Variants in QRICH2 observed in about 807,000 individuals in gnomAD.
QRICH2 encodes glutamine rich 2.
Under a neutral mutation model 168.3 loss-of-function variants are expected in QRICH2, and 119 were observed. The ratio of observed to expected loss-of-function variants is 0.71; its 90% CI spans 0.61 to 0.82. The LOEUF is 0.82. QRICH2 is among the 40% of genes least tolerant of loss of function. QRICH2 has a pLI of 0.00. For missense variants in QRICH2, 2,241 were observed against 2,491.6 expected (o/e 0.90, Z 2.14); for synonymous variants, 894 against 951.2 (o/e 0.94, Z 1.11).
intron 3 of QRICH2, among the ~76,000 whole-genome samples, chr17:76,295,088 A>G (rs2143332325): frequency 6.6e-6 from 1 of 151,132 alleles, no homozygotes; most frequent in East Asian, 1.9e-4. Flanking sequence ...AAATAAATAA[A>G]TAAATAAATA....
Position 76,293,851 on chromosome 17 carries a change from T to C in QRICH2, c.876A>G (p.Ala292=). ...DRTASGSGGT[A]HPSDGVSSRE... is the part of the protein sequence containing the mutation. ...TACTGGAAACCCCATCAGAGGGGTG[T>C]GCTGTGCCACCAGATCCTGATGCAG... The change falls in exon 4 of 19, where the codon GCA becomes GCG. Residue 292 remains alanine, a synonymous_variant. Transcript: ENST00000680821. 1 of 1,614,020 alleles carries C rather than the reference T, an allele frequency of 6.2e-7. No homozygotes were observed. The highest frequency in any genetic ancestry group is 1.6e-4 in the Middle Eastern group (1 of 6,062).
At chr17:76,282,706 G>A (rs144450293) in intron 7 of QRICH2, among the ~76,000 whole-genome samples, 101 of 152,298 alleles carry the variant, frequency 6.6e-4, no homozygotes, top group South Asian at 5.8e-3. Flanking sequence ...TCTGCATCCC[G>A]CAGGCCCCAT....
At chr17:76,277,417 C>A (rs1373923358) in intron 15 of QRICH2, 107 bp from the exon 16 acceptor site, 2 of 1,320,878 alleles carry the variant, frequency 1.5e-6, no homozygotes, top group Non-Finnish European at 2.1e-6. Flanking sequence ...AGCTTCTCTT[C>A]GGGGGCTGCC....
chr17:76,308,365 C>T (rs1238792463), upstream of QRICH2: 4 of 985,304 alleles, frequency 4.1e-6, no homozygotes, highest in Non-Finnish European at 4.8e-6. Context: ...GTAAAGGCCA[C>T]CACAAGGATC....
In QRICH2 at chr17:76,292,112, A is replaced by C; in HGVS notation, c.2615T>G (p.Val872Gly). Residue 872 changes from valine to glycine, a missense_variant, in exon 4 of 19, where the codon GTG becomes GGG. This residue lies in a region of QRICH2 where 2,047 missense variants were observed against 2,303.8 expected (regional missense o/e 0.89). Coordinates refer to ENST00000680821, the MANE Select transcript of QRICH2 (RefSeq NM_001388453.1). Reference sequence around the variant, plus strand: ...ACCACGCTGATCCACTCCAGGTTGCACCAAACCACGCTGATCCACTCCAGG... The same window carrying C: ...ACCACGCTGATCCACTCCAGGTTGCCCCAAACCACGCTGATCCACTCCAGG... ...VQPGVDQRGL[V>G]QPGVDQRGLV... is the part of the protein sequence containing the mutation. 3 of 1,613,174 alleles carry C rather than the reference A, an allele frequency of 1.9e-6. No homozygotes were observed. Among genetic ancestry groups the C allele is most frequent in the Non-Finnish European group, 2.5e-6 (3 of 1,179,500 alleles).
intron 3 of QRICH2, among the ~76,000 whole-genome samples, 180 bp downstream of exon 3, chr17:76,304,235 A>T (rs73996305): frequency 0.12 from 18,513 of 152,204 alleles, 2,596 homozygotes; most frequent in African/African-American, 0.35. Context: ...CTAGGGATGC[A>T]TGTTATTCAC....
At position 76,299,649 on chromosome 17, in the gene QRICH2, A is replaced by G. The variant is rs538011720; in HGVS notation, c.705+4766T>C. On this transcript the variant is annotated intron_variant, in intron 3 of 18. Transcript: ENST00000680821. ...CTACTCGGGAGACTGAGGCAGGAGA[A>G]TCATTTGAACCCAGGAGGTGAACGT... Among the ~76,000 whole-genome samples the G allele has an allele frequency of 6.6e-5, 10 of 151,980 alleles. No homozygotes were observed. In the South Asian group the frequency reaches 2.1e-3, roughly 32 times the overall value.
Position 76,276,059 on chromosome 17 carries a change from C to G in QRICH2, c.5354-112G>C. 3.9e-6 allele frequency: 5 copies of G among 1,282,672 alleles called. No individual in the cohort carries two copies. In the South Asian group the frequency reaches 4.0e-5, roughly 10 times the overall value. The allele number at this position is 1,282,672 out of a possible 1,614,324, so 79.5% of individuals were successfully genotyped here. A position where few individuals can be genotyped will look rare whatever the true frequency, so the allele number is the denominator to read the frequency against. On this transcript the variant is annotated intron_variant, in intron 17 of 18. Coordinates refer to ENST00000680821, the MANE Select transcript of QRICH2 (RefSeq NM_001388453.1). The stretch of plus-strand genomic sequence containing the variant: ...GGCTGCTGGTCATGGCCGGCCTCAG[C>G]TGAGTGGGGTCCTCGTCATTCTGAA...
chr17:76,292,772 T>C lies in QRICH2; in HGVS notation c.1955A>G (p.Gln652Arg), dbSNP rs78570050. The change falls in exon 4 of 19, where the codon CAA becomes CGA. Residue 652 changes from glutamine (Q) to arginine (R), a missense_variant. Gln to Arg is a conservative substitution (Grantham distance 43). Transcript: ENST00000680821. The part of the protein sequence containing the change: ...QPGTGQHDLV[Q>R]SGTGQGVLVQ... The stretch of plus-strand genomic sequence containing the variant: ...CAAGACACCCTGACCTGTGCCAGAT[T>C]GGACCAAATCATGCTGACCTGTGCC... 1.9e-5 allele frequency: 30 copies of C among 1,613,690 alleles called. No individual in the cohort carries two copies. Among genetic ancestry groups the C allele is most frequent in the Non-Finnish European group, 2.5e-5 (29 of 1,179,962 alleles).
chr17:76,276,284 G>A (rs1255526762), intron 17 of QRICH2, among the ~76,000 whole-genome samples: 2 of 152,182 alleles, frequency 1.3e-5, no homozygotes, highest in African/African-American at 2.4e-5. Flanking sequence ...GTGACAAAGC[G>A]CAGGCTTCGG....
intron 7 of QRICH2, 44 bp downstream of exon 7, chr17:76,287,148 G>A: frequency 7.1e-7 from 1 of 1,409,564 alleles, no homozygotes; most frequent in Non-Finnish European, 1.0e-6. Flanking sequence ...CCAGCTCTGA[G>A]AAGGGCCCTT....
intron 3 of QRICH2, among the ~76,000 whole-genome samples, chr17:76,302,856 G>C (rs1232825564): frequency 6.6e-6 from 1 of 151,994 alleles, no homozygotes; most frequent in African/African-American, 2.4e-5. Context: ...CTGCATGACT[G>C]ACTGGTTAGT....
At chr17:76,286,516 T>C (rs1355012954) in intron 7 of QRICH2, among the ~76,000 whole-genome samples, 1 of 152,222 alleles carries the variant, frequency 6.6e-6, no homozygotes, top group East Asian at 1.9e-4. Context: ...AGGGAGAGAC[T>C]GCTAAGAGTC....
intron 15 of QRICH2, among the ~76,000 whole-genome samples, chr17:76,277,685 C>T (rs1275383247): frequency 1.3e-5 from 2 of 151,950 alleles, no homozygotes; most frequent in African/African-American, 4.8e-5. Context: ...TACTCATACA[C>T]ACGTACTCAT....
At position 76,277,011 on chromosome 17, in the gene QRICH2, AG is replaced by A. The variant is rs2070692656; in HGVS notation, c.5265+151del. 1.0e-5 allele frequency: 9 copies of A among 892,586 alleles called. No individual in the cohort carries two copies. In the South Asian group the frequency reaches 1.1e-4, roughly 11 times the overall value. 55.3% of individuals were successfully genotyped at this position (892,586 alleles called of 1,614,324 possible). ...CGGGGTGAATCTTTCTTCCCAGAAA[AG>A]GGTAAGAACCTGAGGCTTTGACTGG... On this transcript the variant is annotated intron_variant, in intron 16 of 18. Coordinates refer to ENST00000680821, the MANE Select transcript of QRICH2 (RefSeq NM_001388453.1).
chr17:76,299,258 G>A (rs1198293645), intron 3 of QRICH2, among the ~76,000 whole-genome samples: 2 of 152,232 alleles, frequency 1.3e-5, no homozygotes, highest in East Asian at 3.9e-4. Flanking sequence ...ATCAAAACAA[G>A]CAAGCCAACT....
upstream of QRICH2, chr17:76,308,632 G>T: frequency 3.0e-6 from 1 of 334,034 alleles, no homozygotes; most frequent in Non-Finnish European, 4.3e-6. Context: ...CACATATTTT[G>T]TTCAATCAAA....
At chr17:76,298,640 G>C (rs994496698) in intron 3 of QRICH2, among the ~76,000 whole-genome samples, 1 of 151,958 alleles carries the variant, frequency 6.6e-6, no homozygotes, top group Non-Finnish European at 1.5e-5. Flanking sequence ...TTTTAAGACA[G>C]AGTCTCGCTC....
Position 76,281,002 on chromosome 17 carries a change from C to A in QRICH2, c.4264-49G>T. 1.3e-6 allele frequency: 2 copies of A among 1,586,466 alleles called. No homozygotes were observed. Among genetic ancestry groups the A allele is most frequent in the South Asian group, 1.1e-5 (1 of 90,074 alleles). On this transcript the variant is annotated intron_variant, in intron 8 of 18. Coordinates refer to ENST00000680821, the MANE Select transcript of QRICH2 (RefSeq NM_001388453.1). This position sits in a 1 kb window ranked among gnomAD's most constrained non-coding sequence, Gnocchi z 4.4. ...CTCTCGGAGGCTGCTGGCGCGATCC[C>A]ACCCCCTGCTGCCATAATATTGCTG...
Sources: gnomAD v4.1 joint callset for allele counts (sites outside exome capture counted in the v4.1 genomes callset) on GRCh38, gnomAD v4.1.1 for gene constraint, gnomAD v4.1.1 regional missense constraint, Gnocchi (gnomAD v3.1) non-coding constraint, MANE v1.5 for transcripts, NCBI Gene and HGNC (gene_info 2026-07-23, HGNC 2026-07-21) for gene names.